ZCCHC17: variants seen among roughly 807,000 people sequenced by gnomAD.
ZCCHC17 encodes zinc finger CCHC domain-containing protein 17.
ZCCHC17 carries 18 observed loss-of-function variants against 30.6 expected under a neutral mutation model. That is an observed-to-expected ratio of 0.59 (90% CI 0.41 to 0.87). The LOEUF (loss-of-function observed/expected upper bound fraction) is 0.87. ZCCHC17 is among the 40% of genes least tolerant of loss of function. The pLI, the probability that ZCCHC17 is intolerant of heterozygous loss-of-function variation, is 0.00. For missense variants in ZCCHC17, 263 were observed against 284.2 expected, an observed-to-expected ratio of 0.93 and a Z score of 0.54; for synonymous variants, 88 against 92.4, an observed-to-expected ratio of 0.95 and a Z score of 0.27.
chr1:31,346,562 C>G, intron 5 of ZCCHC17, 78 bp from the exon 6 acceptor site: 1 of 1,445,196 alleles, frequency 6.9e-7, no homozygotes, highest in Middle Eastern at 2.3e-4. Context: ...AACAAAAAAC[C>G]AACATACAAC....
intron 2 of ZCCHC17, among the ~76,000 whole-genome samples, chr1:31,317,288 G>A (rs1646759709): frequency 6.6e-6 from 1 of 152,158 alleles, no homozygotes; most frequent in South Asian, 2.1e-4. Context: ...CCCTTTCAAA[G>A]TGCTAGGATT....
At chr1:31,354,682 T>C (rs1639581432) in intron 7 of ZCCHC17, among the ~76,000 whole-genome samples, 1 of 152,210 alleles carries the variant, frequency 6.6e-6, no homozygotes. Context: ...TATAATTTGT[T>C]ATTCCTTTGT....
intron 2 of ZCCHC17, 114 bp downstream of exon 2, chr1:31,310,278 T>A (rs1646569007): frequency 9.8e-7 from 1 of 1,024,540 alleles, no homozygotes; most frequent in Non-Finnish European, 1.4e-6. Context: ...ACAGCTTAAA[T>A]GGGAAGGGCC....
chr1:31,319,633 T>C (rs1241071232), intron 3 of ZCCHC17, among the ~76,000 whole-genome samples: 1 of 152,184 alleles, frequency 6.6e-6, no homozygotes, highest in Admixed American at 6.5e-5. Context: ...GAGAATCCTG[T>C]TATAAATCTA....
At chr1:31,318,668 C>T (rs1646791290) in intron 2 of ZCCHC17, among the ~76,000 whole-genome samples, 1 of 152,166 alleles carries the variant, frequency 6.6e-6, no homozygotes, top group Non-Finnish European at 1.5e-5. Flanking sequence ...CTGTGTGATC[C>T]ATCCCAAATT....
At chr1:31,304,424 C>T (rs1449526977) in intron 1 of ZCCHC17, among the ~76,000 whole-genome samples, 1 of 151,912 alleles carries the variant, frequency 6.6e-6, no homozygotes. Flanking sequence ...GCTGGGATTA[C>T]AGGTGCCCAC....
rs374218523 is a variant in ZCCHC17 at position 31,356,519 on chromosome 1, A to G, written c.565-7513A>G. Among the ~76,000 whole-genome samples, 6 of 152,376 alleles carry G rather than the reference A, an allele frequency of 3.9e-5. No homozygotes were observed. In the East Asian group the frequency reaches 7.7e-4, roughly 20 times the overall value. On this transcript the variant is annotated intron_variant, in intron 7 of 7. Transcript: ENST00000344147. Reference sequence around the variant, plus strand: ...AATGCCTGGTACTTAATAGGAATACATGCACTAACTACCTGTGAATAGATA... The same window carrying G: ...AATGCCTGGTACTTAATAGGAATACGTGCACTAACTACCTGTGAATAGATA...
At chr1:31,319,588 T>G (rs1646814316) in intron 3 of ZCCHC17, among the ~76,000 whole-genome samples, 1 of 152,190 alleles carries the variant, frequency 6.6e-6, no homozygotes, top group Non-Finnish European at 1.5e-5. Flanking sequence ...GTTTTAAGTT[T>G]TTTTCATAAA....
At chr1:31,304,753 G>A (rs1035666212) in intron 1 of ZCCHC17, among the ~76,000 whole-genome samples, 25 of 152,036 alleles carry the variant, frequency 1.6e-4, no homozygotes, top group Middle Eastern at 3.4e-3. Context: ...CCGCTGCCAC[G>A]CCTGGCTAAT....
Position 31,334,112 on chromosome 1 carries a change from CATA to C in ZCCHC17, c.125-3060_125-3058del, listed in dbSNP as rs570000659. Among the ~76,000 whole-genome samples, 390 of 152,150 alleles carry C rather than the reference CATA, an allele frequency of 2.6e-3. 2 individuals are homozygous for C. Among genetic ancestry groups the C allele is most frequent in the African/African-American group, 9.0e-3 (373 of 41,514 alleles). ...TTGTGTGTTGATCTAAAATTAAAAACATAATGTATATAAAACATTTTAGAGGCC... is the reference window on the plus strand; with the variant it reads ...TTGTGTGTTGATCTAAAATTAAAAACATGTATATAAAACATTTTAGAGGCC... On this transcript the variant is annotated intron_variant, in intron 3 of 7. Coordinates refer to ENST00000344147, the MANE Select transcript of ZCCHC17 (RefSeq NM_016505.4).
intron 3 of ZCCHC17, among the ~76,000 whole-genome samples, chr1:31,319,850 G>A (rs1395718407): frequency 6.6e-6 from 1 of 151,858 alleles, no homozygotes; most frequent in African/African-American, 2.4e-5. Flanking sequence ...CTAAAATAAG[G>A]TTTAATTAAA....
chr1:31,346,432 A>G (rs914082143), intron 5 of ZCCHC17: 1 of 466,750 alleles, frequency 2.1e-6, no homozygotes, highest in Non-Finnish European at 3.8e-6. Context: ...TCTGTGCATT[A>G]GTGAGATGAA....
intron 3 of ZCCHC17, among the ~76,000 whole-genome samples, 174 bp downstream of exon 3, chr1:31,319,340 T>C (rs1646808627): frequency 6.6e-6 from 1 of 152,188 alleles, no homozygotes; most frequent in South Asian, 2.1e-4. Flanking sequence ...GGGCAGAGAA[T>C]TGTGGTCTCT....
chr1:31,337,135 A>G, intron 3 of ZCCHC17, 40 bp from the exon 4 acceptor site: 5 of 1,567,934 alleles, frequency 3.2e-6, no homozygotes, highest in Non-Finnish European at 4.4e-6. Context: ...AATACCAGAT[A>G]TGCCCTCTGC....
In ZCCHC17 at chr1:31,321,416, C is replaced by A. The variant is rs374292404; in HGVS notation, c.124+2250C>A. On this transcript the variant is annotated intron_variant, in intron 3 of 7. Coordinates refer to ENST00000344147, the MANE Select transcript of ZCCHC17 (RefSeq NM_016505.4). ...ACTGTGAGTCAGTTAAATCTCTTTC[C>A]TTGGTAAATTACCCAGTCTCGTATG... Among the ~76,000 whole-genome samples, 141 of 152,288 alleles carry A rather than the reference C, an allele frequency of 9.3e-4. 1 individual carries two copies. The South Asian group carries it at 9.3e-3, about 10-fold the overall frequency.
At chr1:31,362,572 CTT>C (rs1338269682) in intron 7 of ZCCHC17, among the ~76,000 whole-genome samples, 1 of 152,100 alleles carries the variant, frequency 6.6e-6, no homozygotes, top group African/African-American at 2.4e-5. Flanking sequence ...TTTCTCAGCT[CTT>C]TTCTTTATGA....
At chr1:31,345,664 T>G (rs1248704663) in intron 5 of ZCCHC17, among the ~76,000 whole-genome samples, 1 of 118,932 alleles carries the variant, frequency 8.4e-6, no homozygotes, top group Non-Finnish European at 1.8e-5. Flanking sequence ...ATAGTTCCAC[T>G]GCCTGTATAG....
At chr1:31,307,641 C>G (rs568681707) in intron 1 of ZCCHC17, among the ~76,000 whole-genome samples, 1 of 151,588 alleles carries the variant, frequency 6.6e-6, no homozygotes, top group South Asian at 2.1e-4. Context: ...GTGGCACAAT[C>G]TCGGCTCACT....
At chr1:31,358,450 T>C (rs973735913) in intron 7 of ZCCHC17, among the ~76,000 whole-genome samples, 1 of 152,194 alleles carries the variant, frequency 6.6e-6, no homozygotes. Context: ...AAGCAGTGAG[T>C]TGATAGATAA....
Sources: gnomAD v4.1 joint callset for allele counts (sites outside exome capture counted in the v4.1 genomes callset) on GRCh38, gnomAD v4.1.1 for gene constraint, MANE v1.5 for transcripts, NCBI Gene and HGNC (gene_info 2026-07-23, HGNC 2026-07-21) for gene names.